The following MAP2K2 variants were observed in gnomAD, a reference collection of about 807,000 sequenced individuals.
MAP2K2 encodes the protein dual specificity mitogen-activated protein kinase kinase 2.
In MAP2K2, 24 loss-of-function variants were observed where a neutral mutation model predicts 43.7. That is an observed-to-expected ratio of 0.55 (90% confidence interval 0.40 to 0.77). The LOEUF is 0.77. Ranked by LOEUF, MAP2K2 falls within the 30% of genes least tolerant of loss-of-function variation. The pLI is 0.00. For missense variants in MAP2K2, 470 were observed against 566.8 expected (o/e 0.83, Z 1.73); for synonymous variants, 244 against 239.7 (o/e 1.02, Z -0.17).
At chr19:4,095,826 G>A (rs1201167438) in intron 8 of MAP2K2, among the ~76,000 whole-genome samples, 2 of 152,250 alleles carry the variant, frequency 1.3e-5, no homozygotes, top group African/African-American at 2.4e-5. Flanking sequence ...CCAGGCTGGA[G>A]TGCAATGGCG....
rs994366775 is a variant in MAP2K2, at chr19:4,090,359, G to A, written c.*239C>T. ...TCCCTGTTTTGTTTTGTAACCTAAG[G>A]AAGCAGAGCCTCTGAGACCACACAC... On this transcript the variant is annotated 3_prime_UTR_variant, in exon 11 of 11. Coordinates refer to ENST00000262948, the MANE Select transcript of MAP2K2 (RefSeq NM_030662.4). 2.3e-5 allele frequency: 14 copies of A among 597,002 alleles called. No individual in the cohort carries two copies. Among genetic ancestry groups the A allele is most frequent in the Non-Finnish European group, 4.2e-5 (14 of 334,654 alleles). 37.0% of individuals were successfully genotyped at this position (597,002 alleles called of 1,614,324 possible). A position where few individuals can be genotyped will look rare whatever the true frequency, so the allele number is the denominator to read the frequency against.
At chr19:4,105,204 G>GTGTGTGTGTGT (rs1244087024) in intron 3 of MAP2K2, among the ~76,000 whole-genome samples, 11 of 134,680 alleles carry the variant, frequency 8.2e-5, no homozygotes, top group African/African-American at 2.7e-4. Context: ...GTGTGTGTGT[G>GTGTGTGTGTGT]ATGTTTAAAA....
At chr19:4,099,604 G>C (rs561807778) in intron 6 of MAP2K2, 190 bp from the exon 7 acceptor site, 1 of 605,736 alleles carries the variant, frequency 1.7e-6, no homozygotes, top group African/African-American at 1.8e-5. Flanking sequence ...TTGCTGAAGA[G>C]GCTTCCAGCC....
intron 3 of MAP2K2, among the ~76,000 whole-genome samples, chr19:4,107,543 A>AC (rs1568258091): frequency 1.3e-5 from 2 of 150,982 alleles, no homozygotes; most frequent in East Asian, 1.9e-4. Flanking sequence ...AAAAAAAAAA[A>AC]AAACAAACTT....
At chr19:4,118,948 A>T (rs1339652570) in intron 1 of MAP2K2, among the ~76,000 whole-genome samples, 1 of 152,238 alleles carries the variant, frequency 6.6e-6, no homozygotes, top group Non-Finnish European at 1.5e-5. Context: ...TGCACACAGG[A>T]ACCCATTGCT....
intron 7 of MAP2K2, 51 bp downstream of exon 7, chr19:4,099,150 C>T (rs2145049236): frequency 1.3e-6 from 2 of 1,482,832 alleles, no homozygotes; most frequent in Non-Finnish European, 1.8e-6. Context: ...ACAGCAGGCC[C>T]CGCGCAGGGC....
intron 1 of MAP2K2, among the ~76,000 whole-genome samples, chr19:4,122,820 A>C (rs527311940): frequency 6.0e-5 from 9 of 150,898 alleles, no homozygotes; most frequent in Admixed American, 1.3e-4. Context: ...CAGTGACTCC[A>C]TGCCCTGTCT....
chr19:4,117,671 AC>A (rs1166416725), intron 1 of MAP2K2, 42 bp from the exon 2 acceptor site: 2 of 1,579,426 alleles, frequency 1.3e-6, no homozygotes, highest in Non-Finnish European at 8.7e-7. Context: ...ACCTAGGGAG[AC>A]TCCATCTGGC....
At chr19:4,107,831 C>T (rs1000145479) in intron 3 of MAP2K2, among the ~76,000 whole-genome samples, 5 of 152,200 alleles carry the variant, frequency 3.3e-5, no homozygotes, top group Non-Finnish European at 7.3e-5. Context: ...AACACCTGTG[C>T]GTGCCGGGTG....
rs572578610 is a variant in MAP2K2, at chr19:4,115,774, G to A, written c.303+1645C>T. ...GACCCACGGGACTAGGTGCAGTCACGTTCCCCCAGTTTGGGGAACTACAGG... is the reference window on the plus strand; with the variant it reads ...GACCCACGGGACTAGGTGCAGTCACATTCCCCCAGTTTGGGGAACTACAGG... On this transcript the variant is annotated intron_variant, in intron 2 of 10. Transcript: ENST00000262948. The surrounding 1 kb of genome is among the most constrained non-coding windows in gnomAD (Gnocchi z 4.1). Among the ~76,000 whole-genome samples the A allele has an allele frequency of 6.6e-6, 1 of 152,208 alleles. No homozygotes were observed. The highest frequency in any genetic ancestry group is 2.4e-5 in the African/African-American group (1 of 41,456).
chr19:4,096,143 G>A (rs1426832680), intron 8 of MAP2K2, among the ~76,000 whole-genome samples: 1 of 152,238 alleles, frequency 6.6e-6, no homozygotes, highest in Non-Finnish European at 1.5e-5. Flanking sequence ...CGGAGCGGGA[G>A]TGGCCGTGTA....
intron 3 of MAP2K2, among the ~76,000 whole-genome samples, chr19:4,107,535 A>C (rs1599297111): frequency 6.6e-6 from 1 of 151,080 alleles, no homozygotes. Flanking sequence ...AAAAAAAAAA[A>C]AAAAAAAAAA....
At chr19:4,106,193 GC>G (rs1442930660) in intron 3 of MAP2K2, among the ~76,000 whole-genome samples, 7 of 152,046 alleles carry the variant, frequency 4.6e-5, no homozygotes, top group Non-Finnish European at 1.0e-4. Flanking sequence ...GTCACTTGTG[GC>G]CAGGAGTTCA....
At position 4,123,865 on chromosome 19, in the gene MAP2K2, CG is replaced by C; in HGVS notation, c.10del (p.Arg4GlyfsTer99). 1 of 1,498,032 alleles carries C rather than the reference CG, an allele frequency of 6.7e-7. No homozygotes were observed. 92.8% of individuals were successfully genotyped at this position (1,498,032 alleles called of 1,614,324 possible). MLA[R>X]RKPVLPALTI... ...GAGCGCCGGCAGCACCGGCTTCCTC[CG>C]GGCCAGCATCGGGGCTCCGCGGGCC... On this transcript the variant is annotated frameshift_variant, in exon 1 of 11. Coordinates refer to ENST00000262948, the MANE Select transcript of MAP2K2 (RefSeq NM_030662.4). LOFTEE classifies it high-confidence loss of function.
chr19:4,095,510 GC>G, intron 8 of MAP2K2, 61 bp from the exon 9 acceptor site: 3 of 1,409,206 alleles, frequency 2.1e-6, no homozygotes, highest in Non-Finnish European at 2.9e-6. Context: ...CTCGGCTGCA[GC>G]CCTCTCTACC....
At chr19:4,091,120 G>A (rs890947861) in intron 10 of MAP2K2, among the ~76,000 whole-genome samples, 13 of 152,162 alleles carry the variant, frequency 8.5e-5, no homozygotes, top group African/African-American at 2.7e-4. Flanking sequence ...CATGCCAGGG[G>A]CTTCCCCAAG....
At chr19:4,116,110 CA>C (rs2041217900) in intron 2 of MAP2K2, among the ~76,000 whole-genome samples, 1 of 152,166 alleles carries the variant, frequency 6.6e-6, no homozygotes, top group South Asian at 2.1e-4. Flanking sequence ...TGTCAAACGC[CA>C]GTCTAGAGGT....
At chr19:4,111,702 C>G (rs556799881) in intron 2 of MAP2K2, among the ~76,000 whole-genome samples, 1 of 152,358 alleles carries the variant, frequency 6.6e-6, no homozygotes, top group South Asian at 2.1e-4. Flanking sequence ...CGCCTGTAAT[C>G]CCGCACTCCG....
intron 3 of MAP2K2, among the ~76,000 whole-genome samples, chr19:4,108,070 G>A (rs754328257): frequency 4.6e-5 from 7 of 152,196 alleles, no homozygotes; most frequent in Non-Finnish European, 8.8e-5. Flanking sequence ...CCCTTCCATG[G>A]AAACCTATGG....
Sources: allele counts gnomAD v4.1 joint callset (sites outside exome capture counted in the v4.1 genomes callset), GRCh38; gene constraint gnomAD v4.1.1; non-coding constraint Gnocchi (gnomAD v3.1); transcripts MANE v1.5; gene names NCBI Gene and HGNC (gene_info 2026-07-23, HGNC 2026-07-21).